OLFM3: variants seen among roughly 807,000 people sequenced by gnomAD.
The protein encoded by OLFM3 is olfactomedin 3, also known as noelin-3.
Under a neutral mutation model 48.6 loss-of-function variants are expected in OLFM3, and 20 were observed. That is an observed-to-expected ratio of 0.41 (90% CI 0.29 to 0.60). The LOEUF (loss-of-function observed/expected upper bound fraction) is 0.60. OLFM3 is among the 20% of genes least tolerant of loss of function. OLFM3 has a pLI of 0.28. For missense variants in OLFM3, 437 were observed against 544.3 expected, an observed-to-expected ratio of 0.80 and a Z score of 1.96; for synonymous variants, 222 against 198.1, an observed-to-expected ratio of 1.12 and a Z score of -1.01.
intron 1 of OLFM3, among the ~76,000 whole-genome samples, chr1:101,842,356 A>C (rs1461501810): frequency 1.3e-5 from 2 of 152,064 alleles, no homozygotes; most frequent in Non-Finnish European, 2.9e-5. Context: ...CAGCATAATG[A>C]GACCCCCTCA....
rs1317526346 is a variant in OLFM3, at chr1:101,802,883, C to G, written c.*1355G>C. On this transcript the variant is annotated 3_prime_UTR_variant, in exon 6 of 6. Transcript: ENST00000370103. ...TTTTTTAATATGTGGAAAATACATC[C>G]AAACTCAATGAAATGTTTGATATAT... 6.6e-6 allele frequency: 1 copy of G among 151,404 alleles called. No homozygotes were observed. Among genetic ancestry groups the G allele is most frequent in the East Asian group, 1.9e-4 (1 of 5,150 alleles). 9.4% of individuals were successfully genotyped at this position (151,404 alleles called of 1,614,324 possible). A position where few individuals can be genotyped will look rare whatever the true frequency, so the allele number is the denominator to read the frequency against.
chr1:101,850,842 G>A (rs1570561777), intron 1 of OLFM3, among the ~76,000 whole-genome samples: 1 of 152,016 alleles, frequency 6.6e-6, no homozygotes, highest in African/African-American at 2.4e-5. Flanking sequence ...ATGGCTTCAG[G>A]CAGAGGGGAA....
chr1:101,881,900 C>A (rs1197069336), intron 1 of OLFM3, among the ~76,000 whole-genome samples: 1 of 151,338 alleles, frequency 6.6e-6, no homozygotes, highest in Non-Finnish European at 1.5e-5. Context: ...TCTTCTTTTT[C>A]CTCTTCCACC....
intron 1 of OLFM3, among the ~76,000 whole-genome samples, chr1:101,989,618 T>G (rs934868307): frequency 6.6e-6 from 1 of 152,190 alleles, no homozygotes; most frequent in South Asian, 2.1e-4. Flanking sequence ...TATTTGCATG[T>G]TGAGTATAGA....
At chr1:101,916,171 G>C (rs1658919047) in intron 1 of OLFM3, among the ~76,000 whole-genome samples, 2 of 152,104 alleles carry the variant, frequency 1.3e-5, no homozygotes, top group South Asian at 4.1e-4. Context: ...ATTGTGAATT[G>C]TGTGTTTTCT....
At chr1:101,835,211 A>G (rs1655344043) in intron 2 of OLFM3, among the ~76,000 whole-genome samples, 1 of 152,260 alleles carries the variant, frequency 6.6e-6, no homozygotes, top group African/African-American at 2.4e-5. Flanking sequence ...GGAAAGCAAA[A>G]TTGGATGTAA....
intron 1 of OLFM3, among the ~76,000 whole-genome samples, chr1:101,944,733 A>G (rs1448704747): frequency 1.3e-5 from 2 of 152,106 alleles, no homozygotes; most frequent in Non-Finnish European, 2.9e-5. Context: ...TACAAAAATT[A>G]GCCGGGCATG....
At position 101,847,037 on chromosome 1, in the gene OLFM3, G is replaced by A. The variant is rs542520151; in HGVS notation, c.70-10012C>T. 9.4e-5 allele frequency: 145 copies of A among 1,549,536 alleles called. 1 individual carries two copies. Among genetic ancestry groups the A allele is most frequent in the Non-Finnish European group, 3.5e-5 (40 of 1,138,772 alleles). ...GATCCCGGTGCCGGGCTGGCAGCGG[G>A]AGGCGTGACTGCAGCGCGCCACATC... On this transcript the variant is annotated intron_variant, in intron 1 of 5. Transcript: ENST00000370103.
At chr1:101,849,418 T>C (rs1351854821) in intron 1 of OLFM3, among the ~76,000 whole-genome samples, 1 of 152,230 alleles carries the variant, frequency 6.6e-6, no homozygotes, top group African/African-American at 2.4e-5. Context: ...ATATTACCAC[T>C]GGCAATGAGA....
chr1:101,863,365 G>T (rs912998598), intron 1 of OLFM3, among the ~76,000 whole-genome samples: 10 of 152,160 alleles, frequency 6.6e-5, no homozygotes, highest in Non-Finnish European at 1.0e-4. Flanking sequence ...GCTTTCTGCT[G>T]CACCAGCCAA....
chr1:101,932,985 C>T (rs1024659778), intron 1 of OLFM3, among the ~76,000 whole-genome samples: 27 of 151,930 alleles, frequency 1.8e-4, no homozygotes, highest in Admixed American at 1.5e-3. Context: ...GGGCAGATCA[C>T]GAGGTCAGGA....
chr1:101,929,864 A>G (rs1228964779), intron 1 of OLFM3, among the ~76,000 whole-genome samples: 1 of 152,098 alleles, frequency 6.6e-6, no homozygotes, highest in Admixed American at 6.6e-5. Context: ...ACACATTTTA[A>G]AGTACATGTA....
intron 1 of OLFM3, among the ~76,000 whole-genome samples, chr1:101,934,347 C>A (rs1313253447): frequency 6.6e-6 from 1 of 152,030 alleles, no homozygotes; most frequent in Non-Finnish European, 1.5e-5. Context: ...AGTCTTTAAA[C>A]CAACAATAAT....
chr1:101,991,563 A>T (rs1661413108), intron 1 of OLFM3, among the ~76,000 whole-genome samples: 1 of 152,038 alleles, frequency 6.6e-6, no homozygotes, highest in African/African-American at 2.4e-5. Context: ...TACGTTTTAT[A>T]TGTAGCCTTC....
chr1:101,814,352 G>GAAGGTGAGAAGA (rs1654226716), intron 4 of OLFM3, among the ~76,000 whole-genome samples: 1 of 151,420 alleles, frequency 6.6e-6, no homozygotes, highest in Non-Finnish European at 1.5e-5. Flanking sequence ...TTCTGGTGAA[G>GAAGGTGAGAAGA]CTTACATTTT....
intron 4 of OLFM3, among the ~76,000 whole-genome samples, chr1:101,807,259 A>G (rs1018797464): frequency 2.6e-5 from 4 of 151,814 alleles, no homozygotes; most frequent in Non-Finnish European, 5.9e-5. Context: ...TTTATTAATC[A>G]TACACATTGT....
At chr1:101,816,425 T>A (rs1654340064) in intron 4 of OLFM3, among the ~76,000 whole-genome samples, 1 of 152,166 alleles carries the variant, frequency 6.6e-6, no homozygotes, top group Non-Finnish European at 1.5e-5. Flanking sequence ...AGATGGTAGT[T>A]TAATCTGTTT....
chr1:101,886,656 C>T (rs1486132092), intron 1 of OLFM3, among the ~76,000 whole-genome samples: 6 of 152,028 alleles, frequency 3.9e-5, no homozygotes, highest in Admixed American at 2.6e-4. Flanking sequence ...TATCTGACTG[C>T]GGTTGCATGA....
intron 1 of OLFM3, among the ~76,000 whole-genome samples, chr1:101,847,529 ATT>A (rs11302703): frequency 0.12 from 18,441 of 150,706 alleles, 1,207 homozygotes; most frequent in African/African-American, 0.14. Flanking sequence ...GTAGGAGATA[ATT>A]TTTTTTTTTA....
Sources: gnomAD v4.1 joint callset for allele counts (sites outside exome capture counted in the v4.1 genomes callset) on GRCh38, gnomAD v4.1.1 for gene constraint, MANE v1.5 for transcripts, NCBI Gene and HGNC (gene_info 2026-07-23, HGNC 2026-07-21) for gene names.